The following MGAT4D variants were observed in gnomAD, a reference collection of about 807,000 sequenced individuals.
MGAT4D encodes alpha-1,3-mannosyl-glycoprotein 4-beta-N-acetylglucosaminyltransferase-like protein MGAT4D.
Under a neutral mutation model 15.9 loss-of-function variants are expected in MGAT4D, and 34 were observed. That is an observed-to-expected ratio of 2.14 (90% confidence interval 1.62 to 2.84). The LOEUF is 2.84. MGAT4D is among the 30% of genes most tolerant of loss of function. The pLI, the probability that MGAT4D is intolerant of heterozygous loss-of-function variation, is 0.00. For synonymous variants in MGAT4D, 112 were observed against 48.2 expected, an observed-to-expected ratio of 2.33 and a Z score of -5.49; for missense variants, 327 against 140.2, an observed-to-expected ratio of 2.33 and a Z score of -6.73.
At chr4:140,491,763 C>A (rs1188791952) in intron 1 of MGAT4D, among the ~76,000 whole-genome samples, 1 of 152,002 alleles carries the variant, frequency 6.6e-6, no homozygotes, top group African/African-American at 2.4e-5. Context: ...CACAAACTAC[C>A]CCTACAAGAG....
At chr4:140,497,988 G>A (rs1455457015) in intron 1 of MGAT4D, 141 bp downstream of exon 1, 1 of 519,288 alleles carries the variant, frequency 1.9e-6, no homozygotes, top group East Asian at 3.5e-5. Context: ...GCACCGACGC[G>A]GGCCTCCCAG....
At chr4:140,495,506 T>G (rs1472793444) in intron 1 of MGAT4D, among the ~76,000 whole-genome samples, 1 of 152,196 alleles carries the variant, frequency 6.6e-6, no homozygotes, top group African/African-American at 2.4e-5. Flanking sequence ...TTTCAACCAT[T>G]CATTTATTCA....
At chr4:140,450,614 G>A (rs945607998) in intron 10 of MGAT4D, among the ~76,000 whole-genome samples, 9 of 152,320 alleles carry the variant, frequency 5.9e-5, no homozygotes, top group South Asian at 4.1e-4. Flanking sequence ...AGAAAAAGCA[G>A]AAAGAGGGAG....
chr4:140,445,092 C>A (rs999709717), intron 10 of MGAT4D, among the ~76,000 whole-genome samples: 1 of 152,016 alleles, frequency 6.6e-6, no homozygotes, highest in South Asian at 2.1e-4. Context: ...ACTATGTTGG[C>A]CAGGCTGGTC....
chr4:140,458,830 G>C (rs1179352549), intron 8 of MGAT4D: 1 of 152,068 alleles, frequency 6.6e-6, no homozygotes, highest in East Asian at 1.9e-4. Context: ...GCAGGAAGAG[G>C]GTGTAGGGAT....
At chr4:140,450,014 G>A (rs910179334) in intron 10 of MGAT4D, 7 of 271,588 alleles carry the variant, frequency 2.6e-5, no homozygotes, top group Middle Eastern at 4.8e-4. Context: ...TGATGTAGTC[G>A]CTTAAGAAAG....
At position 140,482,374 on chromosome 4, in the gene MGAT4D, C is replaced by T. The variant is rs369916356; in HGVS notation, c.206G>A (p.Arg69Gln). 2.6e-5 allele frequency: 17 copies of T among 646,518 alleles called. No individual in the cohort carries two copies. The East Asian group carries it at 3.2e-4, about 12-fold the overall frequency. 40.0% of individuals were successfully genotyped at this position (646,518 alleles called of 1,614,324 possible). ...TCTCTTTGTAATTTCATACTTCATTCGATTCAAAACTTTCATCATCTCTTG... is the reference window on the plus strand; with the variant it reads ...TCTCTTTGTAATTTCATACTTCATTTGATTCAAAACTTTCATCATCTCTTG... ...NTQEMMKVLN[R>Q]MKYEITKREI... The change falls in exon 2 of 11, where the codon CGA (arginine) becomes CAA (glutamine). Residue 69 changes from arginine (R) to glutamine (Q), a missense_variant. Physicochemically the swap from Arg to Gln is conservative, Grantham distance 43. Coordinates refer to ENST00000511113, the MANE Select transcript of MGAT4D (RefSeq NM_001277353.2).
intron 3 of MGAT4D, among the ~76,000 whole-genome samples, chr4:140,477,956 A>G (rs1023700895): frequency 6.6e-6 from 1 of 152,248 alleles, no homozygotes; most frequent in African/African-American, 2.4e-5. Context: ...TCCAAGATCT[A>G]TTAGAATACA....
chr4:140,458,549 CTA>C (rs1257313827), intron 8 of MGAT4D: 1 of 152,156 alleles, frequency 6.6e-6, no homozygotes, highest in African/African-American at 2.4e-5. Context: ...TGCATGATCT[CTA>C]TGTGCAAAAC....
At chr4:140,449,093 A>G (rs959716945) in intron 10 of MGAT4D, among the ~76,000 whole-genome samples, 9 of 152,236 alleles carry the variant, frequency 5.9e-5, no homozygotes, top group African/African-American at 2.2e-4. Flanking sequence ...GACTTTTTGT[A>G]TACAATGGAG....
chr4:140,461,973 T>G lies in MGAT4D; in HGVS notation c.718A>C (p.Ile240Leu), dbSNP rs936004572. 1 of 700,234 alleles carries G rather than the reference T, an allele frequency of 1.4e-6. No homozygotes were observed. Among genetic ancestry groups the G allele is most frequent in the African/African-American group, 1.8e-5 (1 of 56,828 alleles). The allele number at this position is 700,234 out of a possible 1,614,324, so 43.4% of individuals were successfully genotyped here. ...TTGGGTTGGGCATACAGCAACAAAA[T>G]GCAAAAATCCAATACCTGTTTGATT... is the stretch of plus-strand genomic sequence containing the variant. ...WRIKQVLDFC[I>L]LLLYAQPKAK... is the part of the protein sequence containing the mutation. The change falls in exon 7 of 11, where the codon ATT (isoleucine) becomes CTT (leucine). Residue 240 changes from isoleucine to leucine, a missense_variant. Ile to Leu is a conservative substitution (Grantham distance 5). Coordinates refer to ENST00000511113, the MANE Select transcript of MGAT4D (RefSeq NM_001277353.2).
chr4:140,456,832 TA>T, intron 8 of MGAT4D, 113 bp from the exon 9 acceptor site: 1 of 504,544 alleles, frequency 2.0e-6, no homozygotes, highest in South Asian at 3.2e-5. Flanking sequence ...TCCTTAGAAA[TA>T]AAGATTAAAG....
intron 4 of MGAT4D, among the ~76,000 whole-genome samples, chr4:140,472,860 ATAAAT>A (rs1245448195): frequency 6.6e-6 from 1 of 152,164 alleles, no homozygotes; most frequent in Non-Finnish European, 1.5e-5. Context: ...TTTAATATTA[ATAAAT>A]TAAACTGGGA....
intron 1 of MGAT4D, among the ~76,000 whole-genome samples, chr4:140,492,464 T>A (rs529175356): frequency 4.1e-4 from 63 of 152,114 alleles, no homozygotes; most frequent in African/African-American, 1.5e-3. Flanking sequence ...CCTGTCTCTA[T>A]GAAAAATACA....
intron 5 of MGAT4D, 130 bp from the exon 6 acceptor site, chr4:140,465,139 A>T: frequency 1.8e-6 from 1 of 548,262 alleles, no homozygotes. Flanking sequence ...ATGTTGATAC[A>T]TGATACCAGC....
At chr4:140,487,137 C>T (rs749331510) in intron 1 of MGAT4D, among the ~76,000 whole-genome samples, 30 of 152,114 alleles carry the variant, frequency 2.0e-4, no homozygotes, top group Non-Finnish European at 2.9e-4. Flanking sequence ...TACATTTTTC[C>T]CTGGTAATTC....
In MGAT4D at chr4:140,445,067, T is replaced by G. The variant is rs1030571413; in HGVS notation, c.1117-1623A>C. Among the ~76,000 whole-genome samples, 4 of 152,018 alleles carry G rather than the reference T, an allele frequency of 2.6e-5. No homozygotes were observed. In the South Asian group the frequency reaches 8.3e-4, roughly 32 times the overall value. ...CAGCTAATGTTTGTATTTTTTTTAG[T>G]AGAGATGGGGTTTCACTATGTTGGC... On this transcript the variant is annotated intron_variant, in intron 10 of 10. Coordinates refer to ENST00000511113, the MANE Select transcript of MGAT4D (RefSeq NM_001277353.2).
intron 3 of MGAT4D, among the ~76,000 whole-genome samples, chr4:140,477,331 C>T (rs1396970519): frequency 2.6e-5 from 4 of 152,168 alleles, no homozygotes; most frequent in Admixed American, 2.6e-4. Flanking sequence ...ATTATAATTA[C>T]CTTATCATTT....
intron 4 of MGAT4D, among the ~76,000 whole-genome samples, chr4:140,474,517 A>G (rs1578686499): frequency 6.6e-6 from 1 of 152,304 alleles, no homozygotes; most frequent in East Asian, 1.9e-4. Flanking sequence ...CTTCTGAGCC[A>G]TATAGTAGGC....
Sources: gnomAD v4.1 joint callset for allele counts (sites outside exome capture counted in the v4.1 genomes callset) on GRCh38, gnomAD v4.1.1 for gene constraint, MANE v1.5 for transcripts, NCBI Gene and HGNC (gene_info 2026-07-23, HGNC 2026-07-21) for gene names.